The following CMIP variants were observed in gnomAD, a reference collection of about 807,000 sequenced individuals.
CMIP encodes c-Maf inducing protein.
Under a neutral mutation model 97.3 loss-of-function variants are expected in CMIP, and 13 were observed. That is an observed-to-expected ratio of 0.13 (90% CI 0.09 to 0.21). The LOEUF is 0.21. Ranked by LOEUF, CMIP falls within the 10% of genes least tolerant of loss-of-function variation. CMIP has a pLI of 1.00. For synonymous variants in CMIP, 538 were observed against 436.3 expected, an observed-to-expected ratio of 1.23 and a Z score of -2.91; for missense variants, 847 against 1,024.9, an observed-to-expected ratio of 0.83 and a Z score of 2.37.
intron 3 of CMIP, chr16:81,631,493 A>T (rs1597169683): frequency 6.6e-6 from 1 of 152,208 alleles, no homozygotes; most frequent in Non-Finnish European, 1.5e-5. Context: ...GTTACCATTC[A>T]CCTGGGCCCC....
intron 20 of CMIP, among the ~76,000 whole-genome samples, chr16:81,708,666 CCACTGTT>C (rs1213896605): frequency 5.3e-5 from 8 of 152,216 alleles, no homozygotes; most frequent in African/African-American, 7.2e-5. Context: ...AGGCCACGCC[CCACTGTT>C]CACTGCCCAG....
chr16:81,661,590 C>T (rs1010128482), intron 6 of CMIP, among the ~76,000 whole-genome samples: 2 of 152,230 alleles, frequency 1.3e-5, no homozygotes, highest in African/African-American at 4.8e-5. Flanking sequence ...CCTCATCCCT[C>T]CCCGCTCCCA....
intron 1 of CMIP, among the ~76,000 whole-genome samples, chr16:81,449,772 C>T (rs28461645): frequency 0.011 from 1,655 of 151,604 alleles, 20 homozygotes; most frequent in African/African-American, 0.037. Context: ...AGGGGAGGGG[C>T]TGAGACAGAG....
At chr16:81,639,922 C>T (rs752237610) in intron 3 of CMIP, among the ~76,000 whole-genome samples, 4 of 152,154 alleles carry the variant, frequency 2.6e-5, no homozygotes, top group Non-Finnish European at 5.9e-5. Flanking sequence ...GGGCCCAGTA[C>T]ATAGGAAGCC....
At position 81,705,561 on chromosome 16, in the gene CMIP, G is replaced by A; in HGVS notation, c.2154G>A (p.Leu718=). 2 of 1,609,324 alleles carry A rather than the reference G, an allele frequency of 1.2e-6. No homozygotes were observed. Among genetic ancestry groups the A allele is most frequent in the Non-Finnish European group, 1.7e-6 (2 of 1,178,606 alleles). ...EHLTMLQVLN[L]CETPVTDAGL... ...TCACCATGCTCCAGGTGCTGAACCT[G>A]TGCGAGACCCCGGTCACAGACGCTG... The change falls in exon 19 of 21, where the codon CTG becomes CTA. Residue 718 remains leucine (L), a synonymous_variant. Transcript: ENST00000537098.
chr16:81,664,913 G>A (rs4350562), intron 7 of CMIP: 25,356 of 159,274 alleles, frequency 0.16, 2,347 homozygotes, highest in East Asian at 0.38. Context: ...TTCCAATCAT[G>A]AGAAAAACAT....
intron 1 of CMIP, among the ~76,000 whole-genome samples, chr16:81,592,709 G>A (rs537812102): frequency 1.7e-4 from 26 of 152,334 alleles, no homozygotes; most frequent in Admixed American, 1.6e-3. Flanking sequence ...CTGCTTGATG[G>A]ACCCGAACCT....
intron 1 of CMIP, among the ~76,000 whole-genome samples, chr16:81,599,907 G>A (rs1460770827): frequency 6.6e-6 from 1 of 152,128 alleles, no homozygotes; most frequent in African/African-American, 2.4e-5. Context: ...TTAACCACGG[G>A]CACCTGTGAA....
intron 1 of CMIP, among the ~76,000 whole-genome samples, chr16:81,490,416 TC>T (rs770630294): frequency 7.9e-5 from 12 of 152,144 alleles, no homozygotes; most frequent in Non-Finnish European, 1.5e-4. Flanking sequence ...GCTCAGGAGT[TC>T]GAGACCAGCC....
chr16:81,565,805 C>G (rs920696349), intron 1 of CMIP, among the ~76,000 whole-genome samples: 4 of 152,218 alleles, frequency 2.6e-5, no homozygotes, highest in African/African-American at 9.7e-5. Context: ...CTGTCTGCCT[C>G]CTTCTGGGGC....
intron 1 of CMIP, chr16:81,517,902 T>C (rs1567554952): frequency 1.2e-5 from 12 of 981,612 alleles, no homozygotes; most frequent in Admixed American, 6.2e-5. Flanking sequence ...CTCTTTTCAA[T>C]GTGGACCTCC....
intron 1 of CMIP, among the ~76,000 whole-genome samples, chr16:81,580,319 A>G (rs2091274422): frequency 6.6e-6 from 1 of 152,210 alleles, no homozygotes; most frequent in Non-Finnish European, 1.5e-5. Flanking sequence ...GGTGAGCTAC[A>G]CGCTGGGCAC....
chr16:81,695,550 G>C (rs551178571), intron 13 of CMIP: 1 of 152,142 alleles, frequency 6.6e-6, no homozygotes, highest in African/African-American at 2.4e-5. Context: ...AGCTTTCTTC[G>C]GAGGACAGGA....
intron 1 of CMIP, chr16:81,476,650 C>G (rs1907941634): frequency 2.6e-6 from 1 of 388,110 alleles, no homozygotes; most frequent in Non-Finnish European, 4.9e-6. Flanking sequence ...AGTTTGCTTA[C>G]TTTCTGTATA....
At chr16:81,697,563 C>G (rs1487433278) in intron 14 of CMIP, 1 of 152,272 alleles carries the variant, frequency 6.6e-6, no homozygotes, top group Non-Finnish European at 1.5e-5. Flanking sequence ...TTGCCTCTGC[C>G]AGCTTCAGCC....
chr16:81,451,426 C>T (rs1184069645), intron 1 of CMIP, among the ~76,000 whole-genome samples: 1 of 152,200 alleles, frequency 6.6e-6, no homozygotes, highest in Non-Finnish European at 1.5e-5. Flanking sequence ...ATTGCCCAGT[C>T]TCAGGTATGT....
rs986655630 is a variant in CMIP, at chr16:81,449,678, C to G, written c.300+4137C>G. Among the ~76,000 whole-genome samples, 16 of 151,994 alleles carry G rather than the reference C, an allele frequency of 1.1e-4. No homozygotes were observed. In the East Asian group the frequency reaches 2.3e-3, roughly 22 times the overall value. On this transcript the variant is annotated intron_variant, in intron 1 of 20. Coordinates refer to ENST00000537098, the MANE Select transcript of CMIP (RefSeq NM_198390.3). ...AGTAAACACACAGATTTCCCCCCCCCCCTTTCCATGCCATTTGTCATAGGA... is the reference window on the plus strand; with the variant it reads ...AGTAAACACACAGATTTCCCCCCCCGCCTTTCCATGCCATTTGTCATAGGA...
At chr16:81,499,953 G>T (rs1181113244) in intron 1 of CMIP, among the ~76,000 whole-genome samples, 1 of 152,222 alleles carries the variant, frequency 6.6e-6, no homozygotes, top group Non-Finnish European at 1.5e-5. Flanking sequence ...CGCACTCTGG[G>T]CTTCACCTGG....
chr16:81,574,167 C>G (rs1440460334), intron 1 of CMIP, among the ~76,000 whole-genome samples: 1 of 152,242 alleles, frequency 6.6e-6, no homozygotes, highest in South Asian at 2.1e-4. Context: ...GTAGTACGTT[C>G]TGTTGGGCCG....
Sources: allele counts gnomAD v4.1 joint callset (sites outside exome capture counted in the v4.1 genomes callset), GRCh38; gene constraint gnomAD v4.1.1; transcripts MANE v1.5; gene names NCBI Gene and HGNC (gene_info 2026-07-23, HGNC 2026-07-21).